Variants in GALNT2 observed in about 807,000 individuals in gnomAD.
GALNT2 encodes the protein UDP-GalNAc:polypeptide N-acetylgalactosaminyltransferase 2.
In GALNT2, 31 loss-of-function variants were observed where a neutral mutation model predicts 81.4. The ratio of observed to expected loss-of-function variants is 0.38; its 90% CI spans 0.29 to 0.51. GALNT2 has a LOEUF of 0.51. Ranked by LOEUF, GALNT2 falls within the 20% of genes least tolerant of loss-of-function variation. The pLI, the probability that GALNT2 is intolerant of heterozygous loss-of-function variation, is 0.87. For missense variants in GALNT2, 629 were observed against 765.7 expected, an observed-to-expected ratio of 0.82 and a Z score of 2.11; for synonymous variants, 303 against 287.4, an observed-to-expected ratio of 1.05 and a Z score of -0.55.
In GALNT2 at chr1:230,083,702, A is replaced by G. The variant is rs115326973; in HGVS notation, c.126+16296A>G. On this transcript the variant is annotated intron_variant, in intron 1 of 15. Transcript: ENST00000366672. ...GCTGTTAAACGGTGTCCGGAGAGTAAGGAGATGGTCAGCACTGAGCATTTA... is the reference window on the plus strand; with the variant it reads ...GCTGTTAAACGGTGTCCGGAGAGTAGGGAGATGGTCAGCACTGAGCATTTA... Among the ~76,000 whole-genome samples, 1,175 of 152,304 alleles carry G rather than the reference A, an allele frequency of 7.7e-3. 19 individuals carry two copies. Among genetic ancestry groups the G allele is most frequent in the African/African-American group, 0.027 (1,115 of 41,548 alleles).
chr1:230,164,224 G>C lies in GALNT2; in HGVS notation c.127-13994G>C, dbSNP rs544196897. Among the ~76,000 whole-genome samples the C allele has an allele frequency of 6.6e-5, 10 of 152,318 alleles. No homozygotes were observed. The East Asian group carries it at 1.9e-3, about 29-fold the overall frequency. On this transcript the variant is annotated intron_variant, in intron 1 of 15. Coordinates refer to ENST00000366672, the MANE Select transcript of GALNT2 (RefSeq NM_004481.5). ...CTGTTGCTGTTATTTCCATGTTCTG[G>C]GTTGGGGGCAGAAGGGCCGTCGGGC...
At chr1:230,058,827 G>A (rs1293039350) in intron 1 of GALNT2, among the ~76,000 whole-genome samples, 1 of 152,144 alleles carries the variant, frequency 6.6e-6, no homozygotes, top group Non-Finnish European at 1.5e-5. Flanking sequence ...GTCACTAAGA[G>A]CTGCTCACTG....
Position 230,279,180 on chromosome 1 carries a change from G to C in GALNT2, c.1561-123G>C. 1 of 1,076,498 alleles carries C rather than the reference G, an allele frequency of 9.3e-7. No homozygotes were observed. Among genetic ancestry groups the C allele is most frequent in the Non-Finnish European group, 1.3e-6 (1 of 760,804 alleles). 66.7% of individuals were successfully genotyped at this position (1,076,498 alleles called of 1,614,324 possible). The stretch of plus-strand genomic sequence containing the variant: ...AAGCTCCTCGGCCGTTCAGATGAGA[G>C]GCTGGGAAAAACGTGTCTATCTGTG... On this transcript the variant is annotated intron_variant, in intron 15 of 15. Transcript: ENST00000366672. This position sits in a 1 kb window ranked among gnomAD's most constrained non-coding sequence, Gnocchi z 4.6.
At chr1:230,164,259 A>T (rs903207100) in intron 1 of GALNT2, among the ~76,000 whole-genome samples, 2 of 152,186 alleles carry the variant, frequency 1.3e-5, no homozygotes, top group Non-Finnish European at 2.9e-5. Flanking sequence ...CCCATGGGGA[A>T]GTACCCAGTA....
intron 2 of GALNT2, among the ~76,000 whole-genome samples, chr1:230,190,149 T>A (rs1270843241): frequency 4.6e-5 from 7 of 152,222 alleles, no homozygotes; most frequent in Non-Finnish European, 8.8e-5. Context: ...AAGCATCTTT[T>A]AAAAAGCAAG....
At chr1:230,201,364 G>A (rs1427890564) in intron 2 of GALNT2, among the ~76,000 whole-genome samples, 1 of 152,154 alleles carries the variant, frequency 6.6e-6, no homozygotes, top group African/African-American at 2.4e-5. Flanking sequence ...GCTGTGATGA[G>A]ATGGGGGTTC....
At chr1:230,216,714 C>T (rs1185389515) in intron 3 of GALNT2, among the ~76,000 whole-genome samples, 1 of 152,162 alleles carries the variant, frequency 6.6e-6, no homozygotes, top group African/African-American at 2.4e-5. Flanking sequence ...AGGCATGAGC[C>T]ACCATGCCTG....
At position 230,234,439 on chromosome 1, in the gene GALNT2, G is replaced by A. The variant is rs1452118551; in HGVS notation, c.375-1575G>A. Among the ~76,000 whole-genome samples, 9 of 152,112 alleles carry A rather than the reference G, an allele frequency of 5.9e-5. No homozygotes were observed. In the East Asian group the frequency reaches 9.6e-4, roughly 16 times the overall value. ...AAAGATTTTCTGCTGCTTCAATTCCGGTGCCAGTGTGTTTAACTGCTAGAG... is the reference window on the plus strand; with the variant it reads ...AAAGATTTTCTGCTGCTTCAATTCCAGTGCCAGTGTGTTTAACTGCTAGAG... On this transcript the variant is annotated intron_variant, in intron 3 of 15. Coordinates refer to ENST00000366672, the MANE Select transcript of GALNT2 (RefSeq NM_004481.5).
rs371595480 is a variant in GALNT2, at chr1:230,141,403, T to C, written c.127-36815T>C. ...ATCCTCACGCATCCACAGAACTCTT[T>C]CATCTTGCAAAACTGAAACTCTGTC... On this transcript the variant is annotated intron_variant, in intron 1 of 15. Transcript: ENST00000366672. Among the ~76,000 whole-genome samples the C allele has an allele frequency of 1.4e-4, 21 of 152,330 alleles. No homozygotes were observed. The South Asian group carries it at 2.3e-3, about 17-fold the overall frequency.
chr1:230,145,858 G>T (rs759502974), intron 1 of GALNT2, among the ~76,000 whole-genome samples: 87 of 152,192 alleles, frequency 5.7e-4, no homozygotes, highest in Non-Finnish European at 1.1e-3. Flanking sequence ...GTAGCATTTC[G>T]GCTTGCTTGC....
At chr1:230,203,330 T>G in intron 3 of GALNT2, 40 bp downstream of exon 3, 1 of 1,606,240 alleles carries the variant, frequency 6.2e-7, no homozygotes, top group Non-Finnish European at 8.5e-7. Flanking sequence ...CTTCATTTGC[T>G]TTCACACAAA....
intron 1 of GALNT2, among the ~76,000 whole-genome samples, chr1:230,105,177 G>A (rs79013016): frequency 0.034 from 5,179 of 152,278 alleles, 276 homozygotes; most frequent in African/African-American, 0.12. Flanking sequence ...TGTTAGAGAG[G>A]TGCTCAGACC....
intron 1 of GALNT2, among the ~76,000 whole-genome samples, chr1:230,113,275 G>C (rs1660754732): frequency 6.6e-6 from 1 of 152,072 alleles, no homozygotes; most frequent in Non-Finnish European, 1.5e-5. Context: ...GCTGAAAAAG[G>C]GTGAGTTTTG....
At chr1:230,120,748 C>T (rs1211541704) in intron 1 of GALNT2, among the ~76,000 whole-genome samples, 1 of 152,190 alleles carries the variant, frequency 6.6e-6, no homozygotes, top group Non-Finnish European at 1.5e-5. Flanking sequence ...TCCTCCTCCG[C>T]ACACACTAAA....
chr1:230,107,878 G>A (rs1450385969), intron 1 of GALNT2, among the ~76,000 whole-genome samples: 7 of 152,214 alleles, frequency 4.6e-5, no homozygotes, highest in South Asian at 2.1e-4. Flanking sequence ...GGGAGGCCAT[G>A]CTGTGAGTTG....
At chr1:230,185,301 T>TGTGTGTGTGTGTGTTTGTGTGCGCGCGC (rs58770415) in intron 2 of GALNT2, among the ~76,000 whole-genome samples, 6 of 126,012 alleles carry the variant, frequency 4.8e-5, no homozygotes, top group Admixed American at 4.5e-4. Flanking sequence ...TGTGTGTGTG[T>TGTGTGTGTGTGTGTTTGTGTGCGCGCGC]GCGCGCGTGT....
At chr1:230,206,936 C>T (rs1664073816) in intron 3 of GALNT2, among the ~76,000 whole-genome samples, 3 of 152,002 alleles carry the variant, frequency 2.0e-5, no homozygotes, top group Non-Finnish European at 1.5e-5. Context: ...AGTGAGGTAT[C>T]CCTTGACCAT....
chr1:230,256,448 A>G (rs1665719292), intron 11 of GALNT2, among the ~76,000 whole-genome samples: 1 of 149,770 alleles, frequency 6.7e-6, no homozygotes, highest in South Asian at 2.1e-4. Context: ...TCTGTCTCAA[A>G]AAAAAAAAAA....
intron 1 of GALNT2, among the ~76,000 whole-genome samples, chr1:230,073,053 T>C (rs1451511532): frequency 6.6e-6 from 1 of 152,200 alleles, no homozygotes; most frequent in East Asian, 1.9e-4. Flanking sequence ...GTGAGGTGTT[T>C]TTAAGGAGGA....
Sources: gnomAD v4.1 joint callset for allele counts (sites outside exome capture counted in the v4.1 genomes callset) on GRCh38, gnomAD v4.1.1 for gene constraint, Gnocchi (gnomAD v3.1) non-coding constraint, MANE v1.5 for transcripts, NCBI Gene and HGNC (gene_info 2026-07-23, HGNC 2026-07-21) for gene names.